LPAR3: variants seen among roughly 807,000 people sequenced by gnomAD.
The protein encoded by LPAR3 is lysophosphatidic acid receptor 3, also known as LPA receptor 3.
LPAR3 carries 7 observed loss-of-function variants against 17.8 expected under a neutral mutation model. The observed-to-expected ratio is 0.39, with a 90% CI of 0.22 to 0.74. LPAR3 has a LOEUF of 0.74. LPAR3 is among the 30% of genes least tolerant of loss of function. The probability of loss-of-function intolerance (pLI) is 0.40; values close to 1 mark genes in which losing one functional copy is unlikely to be tolerated. For synonymous variants in LPAR3, 179 were observed against 179.9 expected (o/e 0.99, Z 0.04); for missense variants, 391 against 453.4 (o/e 0.86, Z 1.25).
At chr1:84,815,125 T>C (rs1658907466) in intron 2 of LPAR3, among the ~76,000 whole-genome samples, 1 of 152,164 alleles carries the variant, frequency 6.6e-6, no homozygotes, top group African/African-American at 2.4e-5. Context: ...GCATTATTAT[T>C]ATCCCCAGGA....
At chr1:84,874,797 C>T (rs2102769347) in intron 1 of LPAR3, among the ~76,000 whole-genome samples, 1 of 152,154 alleles carries the variant, frequency 6.6e-6, no homozygotes, top group African/African-American at 2.4e-5. Context: ...ATTATTTACA[C>T]ATAATATAAC....
intron 1 of LPAR3, among the ~76,000 whole-genome samples, chr1:84,877,234 C>T (rs1487214864): frequency 1.3e-5 from 2 of 152,200 alleles, no homozygotes; most frequent in Non-Finnish European, 2.9e-5. Context: ...CAGCCAGATG[C>T]AAGGCAAAAG....
chr1:84,858,532 C>G (rs971560676), intron 2 of LPAR3, among the ~76,000 whole-genome samples: 7 of 151,654 alleles, frequency 4.6e-5, no homozygotes, highest in Admixed American at 1.3e-4. Flanking sequence ...TTACCTATTT[C>G]CCTCCCTTGT....
At chr1:84,817,381 T>C (rs1015048651) in intron 2 of LPAR3, among the ~76,000 whole-genome samples, 4 of 152,036 alleles carry the variant, frequency 2.6e-5, no homozygotes, top group African/African-American at 9.7e-5. Flanking sequence ...CTACAGAGCC[T>C]AGGGTGTGGA....
intron 2 of LPAR3, among the ~76,000 whole-genome samples, chr1:84,822,006 C>T (rs1241739034): frequency 6.6e-5 from 10 of 152,056 alleles, no homozygotes; most frequent in Admixed American, 5.2e-4. Context: ...TCTGAGAGCT[C>T]CAAATTGAAA....
At chr1:84,864,906 T>C (rs572685983) in intron 2 of LPAR3, among the ~76,000 whole-genome samples, 5 of 152,200 alleles carry the variant, frequency 3.3e-5, no homozygotes, top group African/African-American at 1.2e-4. Flanking sequence ...TCCTACTCCC[T>C]CTGCTCGATC....
At chr1:84,855,981 C>G (rs1406114912) in intron 2 of LPAR3, among the ~76,000 whole-genome samples, 2 of 152,174 alleles carry the variant, frequency 1.3e-5, no homozygotes, top group Non-Finnish European at 2.9e-5. Context: ...AGCTGTCTTC[C>G]TTCCAGCATC....
chr1:84,827,000 C>G (rs1343283981), intron 2 of LPAR3, among the ~76,000 whole-genome samples: 2 of 152,156 alleles, frequency 1.3e-5, no homozygotes, highest in Admixed American at 6.5e-5. Flanking sequence ...TCATGACTGA[C>G]TTTCCCAATT....
At chr1:84,860,618 T>A (rs890610643) in intron 2 of LPAR3, among the ~76,000 whole-genome samples, 1 of 152,142 alleles carries the variant, frequency 6.6e-6, no homozygotes, top group Admixed American at 6.6e-5. Context: ...TTAAGCTCAC[T>A]GAATTCATGC....
At chr1:84,863,433 T>C (rs1478866854) in intron 2 of LPAR3, among the ~76,000 whole-genome samples, 1 of 152,346 alleles carries the variant, frequency 6.6e-6, no homozygotes, top group East Asian at 1.9e-4. Flanking sequence ...ACACTGCTAA[T>C]GCTTCCTCTC....
chr1:84,886,849 G>A (rs1229827507), intron 1 of LPAR3, among the ~76,000 whole-genome samples: 1 of 152,134 alleles, frequency 6.6e-6, no homozygotes, highest in African/African-American at 2.4e-5. Context: ...ATGAATAATA[G>A]GGATGTGTTA....
At chr1:84,837,738 C>T (rs1659433302) in intron 2 of LPAR3, among the ~76,000 whole-genome samples, 1 of 152,182 alleles carries the variant, frequency 6.6e-6, no homozygotes, top group South Asian at 2.1e-4. Context: ...AGAGTTTCTG[C>T]AGGTTGTAAT....
intron 1 of LPAR3, among the ~76,000 whole-genome samples, chr1:84,891,550 G>T (rs1294061351): frequency 2.0e-5 from 3 of 152,174 alleles, no homozygotes; most frequent in African/African-American, 2.4e-5. Context: ...GTCCCAAAAA[G>T]AGGAAAACTC....
chr1:84,851,226 T>C (rs1323454458), intron 2 of LPAR3, among the ~76,000 whole-genome samples: 2 of 152,226 alleles, frequency 1.3e-5, no homozygotes, highest in African/African-American at 2.4e-5. Flanking sequence ...TTATTAGAAA[T>C]GAGACAATTA....
At chr1:84,838,375 A>G (rs1464215632) in intron 2 of LPAR3, among the ~76,000 whole-genome samples, 2 of 152,100 alleles carry the variant, frequency 1.3e-5, no homozygotes, top group Non-Finnish European at 2.9e-5. Context: ...AAGATTACAG[A>G]CTGCGCTCAT....
rs1187756554 is a variant in LPAR3 at position 84,879,316 on chromosome 1, C to CTTTTTTTTTTTTTTTTTTTTTT, written c.-18-13179_-18-13178insAAAAAAAAAAAAAAAAAAAAAA. Among the ~76,000 whole-genome samples, 65 of 120,616 alleles carry CTTTTTTTTTTTTTTTTTTTTTT rather than the reference C, an allele frequency of 5.4e-4. 2 individuals carry two copies. Among genetic ancestry groups the CTTTTTTTTTTTTTTTTTTTTTT allele is most frequent in the African/African-American group, 1.6e-3 (47 of 28,660 alleles). The allele number at this position is 120,616 out of a possible 152,430, so 79.1% of individuals were successfully genotyped here. A position where few individuals can be genotyped will look rare whatever the true frequency, so the allele number is the denominator to read the frequency against. On this transcript the variant is annotated intron_variant, in intron 1 of 2. Transcript: ENST00000370611. The stretch of plus-strand genomic sequence containing the variant: ...TTTTCTTTCTTTTCTTTTCTTTTTT[C>CTTTTTTTTTTTTTTTTTTTTTT]TTTTTTTTTTTTTGAGATGGAATCT...
chr1:84,845,413 C>T (rs1659577558), intron 2 of LPAR3, among the ~76,000 whole-genome samples: 1 of 152,140 alleles, frequency 6.6e-6, no homozygotes, highest in African/African-American at 2.4e-5. Context: ...TAGAATCAAA[C>T]ACTCAGACTT....
Position 84,814,124 on chromosome 1 carries a change from C to G in LPAR3, c.784G>C (p.Asp262His). The G allele has an allele frequency of 6.2e-7, 1 of 1,614,122 alleles. No individual in the cohort carries two copies. The highest frequency in any genetic ancestry group is 8.5e-7 in the Non-Finnish European group (1 of 1,180,036). Residue 262 changes from aspartate (D) to histidine (H), a missense_variant, in exon 3 of 3, where the codon GAC (aspartate) becomes CAC (histidine). By Grantham distance (81) the Asp-to-His change is moderately conservative (BLOSUM62 -1). Coordinates refer to ENST00000370611, the MANE Select transcript of LPAR3 (RefSeq NM_012152.3). ...CCACACTGCCTGCAGTTCAGGCCGT[C>G]GAGGAGCAGAACCACCAGGCCCGGG... ...WTPGLVVLLL[D>H]GLNCRQCGVQ...
chr1:84,890,228 A>C (rs1430316279), intron 1 of LPAR3, among the ~76,000 whole-genome samples: 1 of 118,724 alleles, frequency 8.4e-6, no homozygotes, highest in East Asian at 3.3e-4. Flanking sequence ...TGACGAAGGG[A>C]GGAACAAAAG....
Sources: allele counts gnomAD v4.1 joint callset (sites outside exome capture counted in the v4.1 genomes callset), GRCh38; gene constraint gnomAD v4.1.1; transcripts MANE v1.5; gene names NCBI Gene and HGNC (gene_info 2026-07-23, HGNC 2026-07-21).